ADAM8: variants seen among roughly 807,000 people sequenced by gnomAD.
The protein encoded by ADAM8 is ADAM metallopeptidase domain 8.
A neutral mutation model predicts 102.4 loss-of-function variants in ADAM8; 104 were observed. That is an observed-to-expected ratio of 1.02 (90% CI 0.87 to 1.20). The LOEUF (loss-of-function observed/expected upper bound fraction) is 1.20. Ranked by LOEUF, ADAM8 falls within the 50% of genes most tolerant of loss-of-function variation. The pLI, the probability that ADAM8 is intolerant of heterozygous loss-of-function variation, is 0.00. For missense variants in ADAM8, 1,132 were observed against 1,159.0 expected, an observed-to-expected ratio of 0.98 and a Z score of 0.34; for synonymous variants, 517 against 485.2, an observed-to-expected ratio of 1.07 and a Z score of -0.86.
In ADAM8 at chr10:133,273,268, T is replaced by C. The variant is rs779446918; in HGVS notation, c.559A>G (p.Arg187Gly). The change falls in exon 6 of 23, where the codon AGG becomes GGG. Residue 187 changes from arginine (R) to glycine (G), a missense_variant. Coordinates refer to ENST00000445355, the MANE Select transcript of ADAM8 (RefSeq NM_001109.5). ...LLGPRTAAVFRPRPGDSLPSR... is the reference protein window; with the variant it reads ...LLGPRTAAVFGPRPGDSLPSR... ...AGGGTGCTCACCCCGGGCCGAGGCCTGAAGACGGCTGCCGTCCGGGGTCCC... is the reference window on the plus strand; with the variant it reads ...AGGGTGCTCACCCCGGGCCGAGGCCCGAAGACGGCTGCCGTCCGGGGTCCC... 6 of 1,601,802 alleles carry C rather than the reference T, an allele frequency of 3.7e-6. No homozygotes were observed. In the Admixed American group the frequency reaches 8.5e-5, roughly 23 times the overall value.
chr10:133,269,449 G>T lies in ADAM8; in HGVS notation c.1944C>A (p.His648Gln). The T allele has an allele frequency of 1.9e-6, 3 of 1,592,966 alleles. No homozygotes were observed. Among genetic ancestry groups the T allele is most frequent in the Non-Finnish European group, 2.6e-6 (3 of 1,174,310 alleles). Residue 648 changes from histidine (H) to glutamine (Q), a missense_variant, in exon 18 of 23, where the codon CAC (histidine) becomes CAA (glutamine). Coordinates refer to ENST00000445355, the MANE Select transcript of ADAM8 (RefSeq NM_001109.5). ...GCGCTGGCCAGGGAGGCCTACCTGC[G>T]TGCACCTCAGTCAGCAGCTTCGCGC... Reference protein sequence around the residue: ...PHCAKLLTEVHAASGSLPVFV... With the variant: ...PHCAKLLTEVQAASGSLPVFV...
chr10:133,267,467 C>T (rs772259908), intron 20 of ADAM8, 50 bp from the exon 21 acceptor site: 1 of 1,513,082 alleles, frequency 6.6e-7, no homozygotes, highest in East Asian at 2.3e-5. Context: ...ACCCCCGTGC[C>T]CCTCCAGCAC....
At chr10:133,267,125 C>T (rs1846348058) in intron 21 of ADAM8, among the ~76,000 whole-genome samples, 1 of 152,140 alleles carries the variant, frequency 6.6e-6, no homozygotes. Context: ...GAGCCAGGAC[C>T]CCCAAACCAG....
At chr10:133,264,312 C>G (rs1382575881) in intron 21 of ADAM8, among the ~76,000 whole-genome samples, 3 of 152,218 alleles carry the variant, frequency 2.0e-5, no homozygotes, top group Non-Finnish European at 2.9e-5. Flanking sequence ...CCTCCCGCCC[C>G]AGCCTCCCAA....
intron 5 of ADAM8, 136 bp from the exon 6 acceptor site, chr10:133,273,579 C>G: frequency 1.6e-6 from 2 of 1,277,464 alleles, no homozygotes; most frequent in Non-Finnish European, 2.1e-6. Context: ...TGACTTCAGG[C>G]CCCAGGGTAC....
chr10:133,276,821 CG>C lies in ADAM8; in HGVS notation c.-5del. The C allele has an allele frequency of 6.6e-7, 1 of 1,526,060 alleles. No individual in the cohort carries two copies. Among genetic ancestry groups the C allele is most frequent in the Non-Finnish European group, 8.8e-7 (1 of 1,139,934 alleles). 94.5% of individuals were successfully genotyped at this position (1,526,060 alleles called of 1,614,324 possible). ...GCCAGAGCCCGAGGCCGCGCATGGC[CG>C]GGTCGGGGAGCAGAGGCGGAGGTGA... On this transcript the variant is annotated 5_prime_UTR_variant, in exon 1 of 23. Transcript: ENST00000445355.
Position 133,274,188 on chromosome 10 carries a change from G to T in ADAM8, c.198C>A (p.His66Gln). 1 of 1,588,866 alleles carries T rather than the reference G, an allele frequency of 6.3e-7. No individual in the cohort carries two copies. ...TCTTCCGCAGGTGGAGGGTGAAGTT[G>T]TGCCCTGTGGCCCCAAGGACGTAGC... Reference protein sequence around the residue: ...RVSYVLGATGHNFTLHLRKNR... With the variant: ...RVSYVLGATGQNFTLHLRKNR... The change falls in exon 3 of 23, where the codon CAC becomes CAA. Residue 66 changes from histidine (H) to glutamine (Q), a missense_variant. Coordinates refer to ENST00000445355, the MANE Select transcript of ADAM8 (RefSeq NM_001109.5).
chr10:133,267,523 G>A, intron 20 of ADAM8, 106 bp from the exon 21 acceptor site: 3 of 1,190,808 alleles, frequency 2.5e-6, no homozygotes, highest in Non-Finnish European at 2.3e-6. Flanking sequence ...GTGTGCTGGA[G>A]GCGTCTGCGC....
rs111777250 is a variant in ADAM8, at chr10:133,272,421, G to T, written c.870C>A (p.Leu290=). The change falls in exon 9 of 23, where the codon CTC becomes CTA. Residue 290 remains leucine (L), a synonymous_variant. Transcript: ENST00000445355. ...TGCCCGCTCCGCCAGCTCACGTGAT[G>T]AGCTGTACGTTGTCATGCAGGTGCC... The part of the protein sequence containing the change: ...TRRHLHDNVQ[L]ITGVDFTGTT... The T allele has an allele frequency of 1.9e-6, 3 of 1,600,058 alleles. No individual in the cohort carries two copies. The highest frequency in any genetic ancestry group is 2.6e-6 in the Non-Finnish European group (3 of 1,174,974).
rs543584576 is a variant in ADAM8, at chr10:133,272,965, T to C, written c.628A>G (p.Asn210Asp). 2 of 1,612,778 alleles carry C rather than the reference T, an allele frequency of 1.2e-6. No individual in the cohort carries two copies. Among genetic ancestry groups the C allele is most frequent in the East Asian group, 4.5e-5 (2 of 44,862 alleles). Residue 210 changes from asparagine (N) to aspartate (D), a missense_variant, in exon 7 of 23, where the codon AAT becomes GAT. Coordinates refer to ENST00000445355, the MANE Select transcript of ADAM8 (RefSeq NM_001109.5). ...RYVELYVVVDNAEFQMLGSEA... is the reference protein window; with the variant it reads ...RYVELYVVVDDAEFQMLGSEA... ...CCCTGCCCCCAACACACCTCTGCAT[T>C]GTCCACGACCACATACAGCTCCACG... is the stretch of plus-strand genomic sequence containing the variant.
intron 21 of ADAM8, among the ~76,000 whole-genome samples, chr10:133,266,026 C>G (rs1217261214): frequency 2.6e-5 from 4 of 152,124 alleles, no homozygotes; most frequent in Non-Finnish European, 5.9e-5. Context: ...CCCCCGTGAC[C>G]GAAGCTGCAT....
intron 9 of ADAM8, 47 bp from the exon 10 acceptor site, chr10:133,272,321 A>T: frequency 7.3e-7 from 1 of 1,373,476 alleles, no homozygotes; most frequent in South Asian, 1.4e-5. Flanking sequence ...CTCCCTCCCC[A>T]CTTCCCTCCC....
At position 133,271,084 on chromosome 10, in the gene ADAM8, G is replaced by A; in HGVS notation, c.1375-14C>T. ...AGCCGGCTTCACCTGGCCCAGCAGAGAACAGCTCACCATGGGGACAGGTCC... is the reference window on the plus strand; with the variant it reads ...AGCCGGCTTCACCTGGCCCAGCAGAAAACAGCTCACCATGGGGACAGGTCC... On this transcript the variant is annotated splice_polypyrimidine_tract_variant and intron_variant, in intron 13 of 22. Coordinates refer to ENST00000445355, the MANE Select transcript of ADAM8 (RefSeq NM_001109.5). 1.2e-6 allele frequency: 2 copies of A among 1,607,432 alleles called. No individual in the cohort carries two copies. The highest frequency in any genetic ancestry group is 1.1e-5 in the South Asian group (1 of 90,952).
At chr10:133,266,290 C>T (rs1188322044) in intron 21 of ADAM8, among the ~76,000 whole-genome samples, 1 of 152,124 alleles carries the variant, frequency 6.6e-6, no homozygotes, top group African/African-American at 2.4e-5. Context: ...GCATTGGTGA[C>T]GTGGAGCCTC....
chr10:133,276,853 C>A lies in ADAM8; in HGVS notation c.-36G>T. 1 of 1,512,794 alleles carries A rather than the reference C, an allele frequency of 6.6e-7. No homozygotes were observed. Among genetic ancestry groups the A allele is most frequent in the Non-Finnish European group, 8.8e-7 (1 of 1,135,112 alleles). The allele number at this position is 1,512,794 out of a possible 1,614,324, so 93.7% of individuals were successfully genotyped here. ...GGGAGCAGAGGCGGAGGTGACAGCC[C>A]CGCGGGACACGGTCTGGTTCCTGCG... is the stretch of plus-strand genomic sequence containing the variant. On this transcript the variant is annotated 5_prime_UTR_variant, in exon 1 of 23. Transcript: ENST00000445355.
intron 21 of ADAM8, chr10:133,264,001 A>G: frequency 2.7e-6 from 1 of 373,592 alleles, no homozygotes; most frequent in Non-Finnish European, 4.8e-6. Context: ...TGCCCAGTAC[A>G]CCATCCACAT....
chr10:133,266,420 C>CA (rs943762942), intron 21 of ADAM8, among the ~76,000 whole-genome samples: 11 of 151,138 alleles, frequency 7.3e-5, no homozygotes, highest in South Asian at 2.1e-4. Flanking sequence ...TAAATGTTAA[C>CA]AAAAAAAAAG....
intron 12 of ADAM8, 113 bp downstream of exon 12, chr10:133,271,415 C>T (rs1846520195): frequency 5.2e-5 from 77 of 1,467,138 alleles, no homozygotes; most frequent in Non-Finnish European, 6.8e-5. Context: ...CCGCTCTGGA[C>T]ACCCACAGAG....
chr10:133,271,061 C>A lies in ADAM8; in HGVS notation c.1384G>T (p.Ala462Ser), dbSNP rs754018009. The A allele has an allele frequency of 3.7e-6, 6 of 1,610,526 alleles. No homozygotes were observed. In the Admixed American group the frequency reaches 5.0e-5, roughly 13 times the overall value. The change falls in exon 14 of 23, where the codon GCT (alanine) becomes TCT (serine). Residue 462 changes from alanine (A) to serine (S), a missense_variant. Physicochemically the swap from Ala to Ser is moderately conservative, Grantham distance 99 (BLOSUM62 1). Coordinates refer to ENST00000445355, the MANE Select transcript of ADAM8 (RefSeq NM_001109.5). ...TTCTTGGGACGGCACAGCTCACCAGCCGGCTTCACCTGGCCCAGCAGAGAA... is the reference window on the plus strand; with the variant it reads ...TTCTTGGGACGGCACAGCTCACCAGACGGCTTCACCTGGCCCAGCAGAGAA... ...TCCQECKVKP[A>S]GELCRPKKDM...
Sources: allele counts gnomAD v4.1 joint callset (sites outside exome capture counted in the v4.1 genomes callset), GRCh38; gene constraint gnomAD v4.1.1; transcripts MANE v1.5; gene names NCBI Gene and HGNC (gene_info 2026-07-23, HGNC 2026-07-21).